The following NDFIP1 variants were observed in gnomAD, a reference collection of about 807,000 sequenced individuals.
The protein encoded by NDFIP1 is Nedd4 family interacting protein 1.
A neutral mutation model predicts 28.8 loss-of-function variants in NDFIP1; 7 were observed. The observed-to-expected ratio is 0.24, with a 90% CI of 0.14 to 0.46. The LOEUF is 0.46. NDFIP1 is among the 20% of genes least tolerant of loss of function. The pLI is 0.99. For missense variants in NDFIP1, 194 were observed against 269.1 expected, an observed-to-expected ratio of 0.72 and a Z score of 1.95; for synonymous variants, 92 against 101.0, an observed-to-expected ratio of 0.91 and a Z score of 0.53.
In NDFIP1 at chr5:142,132,167, A is replaced by T. The variant is rs555738355; in HGVS notation, c.152-45A>T. The T allele has an allele frequency of 2.5e-6, 4 of 1,598,774 alleles. No individual in the cohort carries two copies. In the South Asian group the frequency reaches 4.5e-5, roughly 18 times the overall value. ...GAGTTAGTGGAACTCCTTTTATTTC[A>T]ATTCAGCTAATCATCAAAAAATTGT... is the stretch of plus-strand genomic sequence containing the variant. On this transcript the variant is annotated intron_variant, in intron 2 of 7. Coordinates refer to ENST00000253814, the MANE Select transcript of NDFIP1 (RefSeq NM_030571.4).
chr5:142,111,040 A>C (rs1757009538), intron 1 of NDFIP1, among the ~76,000 whole-genome samples: 1 of 152,096 alleles, frequency 6.6e-6, no homozygotes, highest in Non-Finnish European at 1.5e-5. Flanking sequence ...TGTATGCATT[A>C]GCAGATATAT....
At chr5:142,115,787 G>T (rs1037683814) in intron 1 of NDFIP1, among the ~76,000 whole-genome samples, 2 of 152,026 alleles carry the variant, frequency 1.3e-5, no homozygotes. Context: ...GGCTAGGTGG[G>T]GGTATGAGTT....
At chr5:142,132,052 A>AC (rs1757233304) in intron 2 of NDFIP1, 157 bp downstream of exon 2, 1 of 1,038,102 alleles carries the variant, frequency 9.6e-7, no homozygotes, top group Non-Finnish European at 1.4e-6. Context: ...TTTAAAAATC[A>AC]CCCCCAGTCT....
Position 142,144,681 on chromosome 5 carries a change from TAAAG to T in NDFIP1, c.*2+9_*2+12del. Reference sequence around the variant, plus strand: ...AGTTCTCTTTATTTATTAAAGGTATTAAAGAAAAAATTTATTCTAGTCCCAGTGT... The same window carrying T: ...AGTTCTCTTTATTTATTAAAGGTATTAAAAAATTTATTCTAGTCCCAGTGT... On this transcript the variant is annotated splice_donor_region_variant and intron_variant, in intron 7 of 7. Coordinates refer to ENST00000253814, the MANE Select transcript of NDFIP1 (RefSeq NM_030571.4). The T allele has an allele frequency of 6.4e-7, 1 of 1,565,350 alleles. No individual in the cohort carries two copies. Among genetic ancestry groups the T allele is most frequent in the African/African-American group, 1.4e-5 (1 of 73,168 alleles).
rs765539828 is a variant in NDFIP1 at position 142,135,826 on chromosome 5, G to A, written c.370+9G>A. The A allele has an allele frequency of 3.7e-6, 6 of 1,604,034 alleles. No individual in the cohort carries two copies. The South Asian group carries it at 5.5e-5, about 15-fold the overall frequency. On this transcript the variant is annotated intron_variant, in intron 4 of 7. Transcript: ENST00000253814. ...CATGTTAACTTTTTTCAGTAAGTAT[G>A]TATGCATATCAGAACCACCCCCTAC...
Position 142,152,808 on chromosome 5 carries a change from G to T in NDFIP1, c.*1080G>T. 6.1e-6 allele frequency: 1 copy of T among 164,162 alleles called. No homozygotes were observed. Among genetic ancestry groups the T allele is most frequent in the Non-Finnish European group, 1.3e-5 (1 of 75,088 alleles). The allele number at this position is 164,162 out of a possible 1,614,324, so 10.2% of individuals were successfully genotyped here. A position where few individuals can be genotyped will look rare whatever the true frequency, so the allele number is the denominator to read the frequency against. On this transcript the variant is annotated 3_prime_UTR_variant, in exon 8 of 8. Transcript: ENST00000253814. ...CTGTAGATTAGTGCTTAATTTCTTG[G>T]CTTGCATTTGTTGATTGCTAAGGCA...
chr5:142,147,763 A>T (rs2126924252), intron 7 of NDFIP1, among the ~76,000 whole-genome samples: 1 of 152,326 alleles, frequency 6.6e-6, no homozygotes, highest in East Asian at 1.9e-4. Context: ...GGAGAGGGAA[A>T]ATGTAGTTTA....
rs115061634 is a variant in NDFIP1, at chr5:142,118,198, C to A, written c.63+9161C>A. Among the ~76,000 whole-genome samples the A allele has an allele frequency of 6.1e-3, 927 of 152,250 alleles. 10 individuals carry two copies. The highest frequency in any genetic ancestry group is 0.021 in the African/African-American group (883 of 41,538). On this transcript the variant is annotated intron_variant, in intron 1 of 7. Transcript: ENST00000253814. ...TATCAATTAAAGTCTGTACTTTGTTCAGATTTTCTAAGTTTTTACCTAATG... is the reference window on the plus strand; with the variant it reads ...TATCAATTAAAGTCTGTACTTTGTTAAGATTTTCTAAGTTTTTACCTAATG...
chr5:142,139,068 A>G (rs1039787867), intron 5 of NDFIP1, among the ~76,000 whole-genome samples: 4 of 152,166 alleles, frequency 2.6e-5, no homozygotes, highest in Non-Finnish European at 5.9e-5. Context: ...AAATACAAAA[A>G]AAATAGCCAG....
chr5:142,129,089 C>T (rs927921664), intron 1 of NDFIP1, among the ~76,000 whole-genome samples: 6 of 152,156 alleles, frequency 3.9e-5, no homozygotes, highest in Non-Finnish European at 8.8e-5. Flanking sequence ...AAATATAAAA[C>T]GGGTTAAGTA....
intron 1 of NDFIP1, among the ~76,000 whole-genome samples, chr5:142,122,830 T>C (rs182516274): frequency 2.7e-4 from 41 of 152,300 alleles, no homozygotes; most frequent in African/African-American, 9.4e-4. Context: ...CCTTATTGAT[T>C]TTAAGAAGTT....
intron 1 of NDFIP1, among the ~76,000 whole-genome samples, chr5:142,127,583 T>A (rs1167257809): frequency 6.6e-6 from 1 of 152,240 alleles, no homozygotes; most frequent in Non-Finnish European, 1.5e-5. Flanking sequence ...TAGGTAGTTA[T>A]AGGTAGTTCT....
At chr5:142,137,305 G>T (rs528581957) in intron 4 of NDFIP1, among the ~76,000 whole-genome samples, 15 of 152,136 alleles carry the variant, frequency 9.9e-5, no homozygotes, top group Non-Finnish European at 1.5e-4. Context: ...GGACTTGCAG[G>T]TGTGCACCAC....
intron 1 of NDFIP1, among the ~76,000 whole-genome samples, chr5:142,126,262 G>A (rs992560571): frequency 6.6e-6 from 1 of 152,154 alleles, no homozygotes; most frequent in African/African-American, 2.4e-5. Flanking sequence ...GGTTGGTAAT[G>A]AGAGCTTTAA....
intron 6 of NDFIP1, 68 bp downstream of exon 6, chr5:142,140,697 T>A: frequency 7.9e-7 from 1 of 1,261,190 alleles, no homozygotes; most frequent in Non-Finnish European, 1.1e-6. Flanking sequence ...AAATTACTTG[T>A]AGTAAATGTT....
At chr5:142,148,750 CAAAAAA>C (rs60681858) in intron 7 of NDFIP1, among the ~76,000 whole-genome samples, 601 of 22,176 alleles carry the variant, frequency 0.027, 4 homozygotes, top group Middle Eastern at 0.077. Context: ...GACTCTGTCT[CAAAAAA>C]AAAAAAAAAA....
At chr5:142,148,750 CAAAAAAAAAAA>C (rs60681858) in intron 7 of NDFIP1, among the ~76,000 whole-genome samples, 1,256 of 22,238 alleles carry the variant, frequency 0.056, 34 homozygotes, top group African/African-American at 0.12. Context: ...GACTCTGTCT[CAAAAAAAAAAA>C]AAAAAAAAAA....
chr5:142,131,906 G>A lies in NDFIP1; in HGVS notation c.151+11G>A. 6.4e-7 allele frequency: 1 copy of A among 1,572,240 alleles called. No individual in the cohort carries two copies. Among genetic ancestry groups the A allele is most frequent in the Non-Finnish European group, 8.6e-7 (1 of 1,166,016 alleles). On this transcript the variant is annotated intron_variant, in intron 2 of 7. Coordinates refer to ENST00000253814, the MANE Select transcript of NDFIP1 (RefSeq NM_030571.4). ...CTGCAGAGAGCGCAGGTAGGTAACA[G>A]GGCAAGGTGATCACGGAATCCTTAA...
chr5:142,146,857 G>A (rs938072968), intron 7 of NDFIP1, among the ~76,000 whole-genome samples: 1 of 149,736 alleles, frequency 6.7e-6, no homozygotes, highest in Admixed American at 6.6e-5. Flanking sequence ...AAATTTTGTT[G>A]TTATTGTTTG....
Sources: gnomAD v4.1 joint callset for allele counts (sites outside exome capture counted in the v4.1 genomes callset) on GRCh38, gnomAD v4.1.1 for gene constraint, MANE v1.5 for transcripts, NCBI Gene and HGNC (gene_info 2026-07-23, HGNC 2026-07-21) for gene names.